The following TK2 variants were observed in gnomAD, a reference collection of about 807,000 sequenced individuals.
The protein encoded by TK2 is thymidine kinase 2.
A neutral mutation model predicts 41.9 loss-of-function variants in TK2; 35 were observed. The observed-to-expected ratio is 0.84, with a 90% CI of 0.64 to 1.11. TK2 has a LOEUF of 1.11. TK2 is among the 50% of genes least tolerant of loss of function. TK2 has a pLI of 0.00. For missense variants in TK2, 320 were observed against 351.1 expected (o/e 0.91, Z 0.71); for synonymous variants, 128 against 129.1 (o/e 0.99, Z 0.06).
At chr16:66,522,828 C>T (rs1567529072) in intron 6 of TK2, among the ~76,000 whole-genome samples, 1 of 152,110 alleles carries the variant, frequency 6.6e-6, no homozygotes, top group African/African-American at 2.4e-5. Context: ...TGCACCACTG[C>T]ACTCCAGCCT....
chr16:66,535,079 A>G (rs1201494618), intron 4 of TK2, among the ~76,000 whole-genome samples: 18 of 152,332 alleles, frequency 1.2e-4, no homozygotes, highest in Non-Finnish European at 1.0e-4. Flanking sequence ...ACTGCAGTTG[A>G]GAGAAAATCT....
At chr16:66,536,898 G>A in intron 4 of TK2, 66 bp downstream of exon 4, 2 of 1,572,918 alleles carry the variant, frequency 1.3e-6, no homozygotes, top group South Asian at 1.1e-5. Context: ...GGCTCAGGCA[G>A]AGGCACCATC....
In TK2 at chr16:66,548,901, T is replaced by A; in HGVS notation, c.156+77A>T. ...TTTTTACTATGGAATGTATTTTTGC[T>A]TTTTACTCTGCTTTTTTCTCTCTCC... On this transcript the variant is annotated intron_variant, in intron 2 of 9. Coordinates refer to ENST00000544898, the MANE Select transcript of TK2 (RefSeq NM_004614.5). 6.9e-6 allele frequency: 10 copies of A among 1,445,754 alleles called. No individual in the cohort carries two copies. In the South Asian group the frequency reaches 9.5e-5, roughly 14 times the overall value. 89.6% of individuals were successfully genotyped at this position (1,445,754 alleles called of 1,614,324 possible).
Position 66,548,142 on chromosome 16 carries a change from C to T in TK2, c.156+836G>A, listed in dbSNP as rs4783654. 27,050 of 405,314 alleles carry T rather than the reference C, an allele frequency of 0.067. 1,892 individuals carry two copies. Among genetic ancestry groups the T allele is most frequent in the South Asian group, 0.16 (9,145 of 56,426 alleles). 25.1% of individuals were successfully genotyped at this position (405,314 alleles called of 1,614,324 possible). On this transcript the variant is annotated intron_variant, in intron 2 of 9. Transcript: ENST00000544898. ...TGCATTTCCCTCCCCTTCTATGGCACCCGCTGGCATATCCTTCTCCTAATT... is the reference window on the plus strand; with the variant it reads ...TGCATTTCCCTCCCCTTCTATGGCATCCGCTGGCATATCCTTCTCCTAATT...
intron 8 of TK2, among the ~76,000 whole-genome samples, chr16:66,516,493 G>A (rs1367732780): frequency 6.6e-6 from 1 of 152,210 alleles, no homozygotes; most frequent in African/African-American, 2.4e-5. Context: ...GAAATTGCAC[G>A]AGTGGTGATG....
At chr16:66,550,219 G>C, upstream of TK2, 1 of 1,610,136 alleles carries the variant, frequency 6.2e-7, no homozygotes, top group Non-Finnish European at 8.5e-7. Context: ...ATACTCGAAG[G>C]GAGAGGTTCG....
At chr16:66,519,239 C>T (rs761324107) in intron 6 of TK2, among the ~76,000 whole-genome samples, 1 of 150,866 alleles carries the variant, frequency 6.6e-6, no homozygotes, top group Non-Finnish European at 1.5e-5. Flanking sequence ...AGTGCAGTGG[C>T]GTGATCTCAG....
chr16:66,534,620 T>C (rs1965220632), intron 4 of TK2, among the ~76,000 whole-genome samples: 1 of 152,260 alleles, frequency 6.6e-6, no homozygotes, highest in Admixed American at 6.5e-5. Flanking sequence ...CCTTTGCCTC[T>C]GCAGCGCCTT....
At chr16:66,543,064 TG>T (rs1444414119) in intron 2 of TK2, among the ~76,000 whole-genome samples, 6 of 152,086 alleles carry the variant, frequency 3.9e-5, no homozygotes, top group Non-Finnish European at 8.8e-5. Flanking sequence ...AGTAGAGACA[TG>T]GTTTCACCAT....
At position 66,508,984 on chromosome 16, in the gene TK2, G is replaced by C. The variant is rs1474226425; in HGVS notation, c.*2984C>G. ...AGGGTGAGGATGAGGGTGGGATGAC[G>C]TGGGGGCAGAGGGGAGAGGGAGGTG... is the stretch of plus-strand genomic sequence containing the variant. On this transcript the variant is annotated 3_prime_UTR_variant, in exon 10 of 10. Transcript: ENST00000544898. The C allele has an allele frequency of 6.6e-6, 1 of 152,310 alleles. No homozygotes were observed. The highest frequency in any genetic ancestry group is 2.4e-5 in the African/African-American group (1 of 41,414). 9.4% of individuals were successfully genotyped at this position (152,310 alleles called of 1,614,324 possible).
chr16:66,549,757 C>G lies in TK2; in HGVS notation c.124+181G>C, dbSNP rs572109107. The G allele has an allele frequency of 1.6e-5, 21 of 1,278,912 alleles. 1 individual carries two copies. The South Asian group carries it at 4.9e-4, about 30-fold the overall frequency. The allele number at this position is 1,278,912 out of a possible 1,614,324, so 79.2% of individuals were successfully genotyped here. ...GAACCAAAGCCGAGCGCCCCCAGCG[C>G]TCGCTGCGGTCTCGCGCCCGGGTAA... On this transcript the variant is annotated intron_variant, in intron 1 of 9. Coordinates refer to ENST00000544898, the MANE Select transcript of TK2 (RefSeq NM_004614.5).
chr16:66,548,022 C>T (rs938352100), intron 2 of TK2: 13 of 1,245,316 alleles, frequency 1.0e-5, no homozygotes, highest in Non-Finnish European at 1.3e-5. Context: ...CACTTGAGCC[C>T]AGGAGTTGGA....
rs145374520 is a variant in TK2, at chr16:66,527,163, C to T, written c.449+1831G>A. Among the ~76,000 whole-genome samples the T allele has an allele frequency of 4.6e-5, 7 of 152,268 alleles. No homozygotes were observed. In the East Asian group the frequency reaches 7.7e-4, roughly 17 times the overall value. Reference sequence around the variant, plus strand: ...CCAGGTTGTCAGGTGAAAATGGGGCCGTAAGGTCAGGAATGCCACCTGCTC... The same window carrying T: ...CCAGGTTGTCAGGTGAAAATGGGGCTGTAAGGTCAGGAATGCCACCTGCTC... On this transcript the variant is annotated intron_variant, in intron 6 of 9. Coordinates refer to ENST00000544898, the MANE Select transcript of TK2 (RefSeq NM_004614.5).
intron 8 of TK2, among the ~76,000 whole-genome samples, chr16:66,516,843 C>T (rs1355801192): frequency 1.3e-5 from 2 of 148,594 alleles, no homozygotes; most frequent in African/African-American, 2.5e-5. Context: ...CAGACAAGCC[C>T]TGGTGCTGCC....
At chr16:66,540,726 T>C (rs1050956478) in intron 3 of TK2, among the ~76,000 whole-genome samples, 4 of 152,222 alleles carry the variant, frequency 2.6e-5, no homozygotes, top group Admixed American at 6.5e-5. Context: ...TGCCTATGCA[T>C]AGTAATACCC....
In TK2 at chr16:66,548,938, C is replaced by A. The variant is rs776029317; in HGVS notation, c.156+40G>T. On this transcript the variant is annotated intron_variant, in intron 2 of 9. Coordinates refer to ENST00000544898, the MANE Select transcript of TK2 (RefSeq NM_004614.5). ...TTTTTTCTCTCTCCTCTTCAAAAAA[C>A]CAAATTATCCTAGAGAGTACACATA... 1.4e-5 allele frequency: 22 copies of A among 1,598,046 alleles called. No individual in the cohort carries two copies. The East Asian group carries it at 3.6e-4, about 26-fold the overall frequency.
At chr16:66,516,574 C>A (rs1159665551) in intron 8 of TK2, among the ~76,000 whole-genome samples, 1 of 152,124 alleles carries the variant, frequency 6.6e-6, no homozygotes, top group African/African-American at 2.4e-5. Flanking sequence ...GAGGGAAGGG[C>A]CAGGGCGAGA....
intron 5 of TK2, among the ~76,000 whole-genome samples, chr16:66,529,704 C>A (rs543780890): frequency 7.9e-5 from 12 of 152,196 alleles, no homozygotes; most frequent in Non-Finnish European, 1.5e-4. Context: ...GCCAGGCACA[C>A]TAACACTACT....
intron 6 of TK2, among the ~76,000 whole-genome samples, chr16:66,522,740 A>G (rs375730320): frequency 6.6e-6 from 1 of 152,148 alleles, no homozygotes; most frequent in South Asian, 2.1e-4. Flanking sequence ...GTGGCACATG[A>G]CTAATCCCAG....
Sources: gnomAD v4.1 joint callset for allele counts (sites outside exome capture counted in the v4.1 genomes callset) on GRCh38, gnomAD v4.1.1 for gene constraint, MANE v1.5 for transcripts, NCBI Gene and HGNC (gene_info 2026-07-23, HGNC 2026-07-21) for gene names.